SNRNP48: variants seen among roughly 807,000 people sequenced by gnomAD.
SNRNP48 encodes the protein U11/U12 small nuclear ribonucleoprotein 48 kDa protein.
A neutral mutation model predicts 47.0 loss-of-function variants in SNRNP48; 43 were observed. The ratio of observed to expected loss-of-function variants is 0.92; its 90% CI spans 0.72 to 1.18. The LOEUF is 1.18. Among genes scored for constraint, SNRNP48 ranks in the 50% most tolerant of loss-of-function variants. The pLI is 0.00. For synonymous variants in SNRNP48, 138 were observed against 144.0 expected (o/e 0.96, Z 0.30); for missense variants, 396 against 422.2 (o/e 0.94, Z 0.54).
At position 7,590,430 on chromosome 6, in the gene SNRNP48, C is replaced by G. The variant is rs756714177; in HGVS notation, c.156+17C>G. The G allele has an allele frequency of 1.3e-5, 17 of 1,280,986 alleles. No individual in the cohort carries two copies. The African/African-American group carries it at 2.3e-4, about 17-fold the overall frequency. The allele number at this position is 1,280,986 out of a possible 1,614,324, so 79.4% of individuals were successfully genotyped here. ...GCGGCGGAGGTGAGGAGCGCGGCCG[C>G]GGGGCCCTTTCGGGGACTATCGGCC... is the stretch of plus-strand genomic sequence containing the variant. On this transcript the variant is annotated intron_variant, in intron 1 of 8. Coordinates refer to ENST00000342415, the MANE Select transcript of SNRNP48 (RefSeq NM_152551.4).
chr6:7,607,481 A>C (rs1001593628), intron 8 of SNRNP48, among the ~76,000 whole-genome samples: 7 of 152,134 alleles, frequency 4.6e-5, no homozygotes, highest in Admixed American at 1.3e-4. Flanking sequence ...CCTCATCCAC[A>C]CTGTGCCACA....
chr6:7,594,288 T>G, intron 3 of SNRNP48, 129 bp downstream of exon 3: 1 of 442,052 alleles, frequency 2.3e-6, no homozygotes, highest in South Asian at 4.2e-5. Flanking sequence ...TAAGAGAATG[T>G]AGAATTAATT....
chr6:7,597,528 G>A (rs925639111), intron 4 of SNRNP48, among the ~76,000 whole-genome samples: 2 of 152,182 alleles, frequency 1.3e-5, no homozygotes, highest in African/African-American at 4.8e-5. Context: ...TCATAGAGTT[G>A]TTGAGAGGAA....
chr6:7,605,333 A>C (rs1169484970), intron 6 of SNRNP48, 65 bp from the exon 7 acceptor site: 10 of 1,230,088 alleles, frequency 8.1e-6, no homozygotes, highest in Non-Finnish European at 7.2e-6. Context: ...TGATTTTTCT[A>C]GCGTTACAGT....
At chr6:7,598,748 A>C (rs1191004473) in intron 4 of SNRNP48, among the ~76,000 whole-genome samples, 1 of 152,156 alleles carries the variant, frequency 6.6e-6, no homozygotes, top group East Asian at 1.9e-4. Context: ...AAGGTTTTAT[A>C]TGTATGTTTT....
chr6:7,590,703 C>T (rs533367936), intron 1 of SNRNP48, among the ~76,000 whole-genome samples: 1 of 152,354 alleles, frequency 6.6e-6, no homozygotes, highest in Non-Finnish European at 1.5e-5. Context: ...GGGGGCCGGG[C>T]GCGGTGGCGC....
chr6:7,596,933 CT>C (rs1361745372), intron 4 of SNRNP48, among the ~76,000 whole-genome samples: 1 of 152,174 alleles, frequency 6.6e-6, no homozygotes, highest in Non-Finnish European at 1.5e-5. Flanking sequence ...TGAAAGAGAA[CT>C]TGGAGATCAT....
chr6:7,598,945 C>A (rs999637033), intron 4 of SNRNP48, among the ~76,000 whole-genome samples: 1 of 152,068 alleles, frequency 6.6e-6, no homozygotes, highest in Non-Finnish European at 1.5e-5. Flanking sequence ...CTTTTTCTTT[C>A]AATATTAAAT....
rs762229291 is a variant in SNRNP48 at position 7,590,239 on chromosome 6, T to A, written c.-19T>A. 6.2e-6 allele frequency: 8 copies of A among 1,300,004 alleles called. No individual in the cohort carries two copies. The highest frequency in any genetic ancestry group is 1.5e-5 in the African/African-American group (1 of 66,168). 80.5% of individuals were successfully genotyped at this position (1,300,004 alleles called of 1,614,324 possible). A position where few individuals can be genotyped will look rare whatever the true frequency, so the allele number is the denominator to read the frequency against. On this transcript the variant is annotated 5_prime_UTR_variant, in exon 1 of 9. Transcript: ENST00000342415. The stretch of plus-strand genomic sequence containing the variant: ...GGTCTGCAGTTCGGCCGCTTCCTCT[T>A]GGCGGGTGGGCTGCAGCTATGGAGG...
At chr6:7,600,284 G>C in intron 4 of SNRNP48, 3 of 820,202 alleles carry the variant, frequency 3.7e-6, no homozygotes, top group Non-Finnish European at 4.4e-6. Flanking sequence ...TTAGTTCATA[G>C]TATGCTCTTA....
In SNRNP48 at chr6:7,606,968, A is replaced by G. The variant is rs538434281; in HGVS notation, c.971+773A>G. ...AATTTTTCTACTTGTCTCTAAATTTACTGCATATGATTCCATTCCCTTGTA... is the reference window on the plus strand; with the variant it reads ...AATTTTTCTACTTGTCTCTAAATTTGCTGCATATGATTCCATTCCCTTGTA... On this transcript the variant is annotated intron_variant, in intron 8 of 8. Coordinates refer to ENST00000342415, the MANE Select transcript of SNRNP48 (RefSeq NM_152551.4). 2.0e-5 allele frequency among the ~76,000 whole-genome samples: 3 copies of G among 152,366 alleles called. No individual in the cohort carries two copies. In the East Asian group the frequency reaches 5.8e-4, roughly 29 times the overall value.
chr6:7,598,473 C>T (rs775834750), intron 4 of SNRNP48, among the ~76,000 whole-genome samples: 4 of 151,846 alleles, frequency 2.6e-5, no homozygotes, highest in Non-Finnish European at 5.9e-5. Flanking sequence ...CCAGTCTGGA[C>T]GACAGGGTGA....
At chr6:7,594,893 G>A (rs12664272) in intron 3 of SNRNP48, 134 bp from the exon 4 acceptor site, 147,294 of 653,780 alleles carry the variant, frequency 0.23, 19,702 homozygotes, top group East Asian at 0.46. Context: ...TCATAGACAG[G>A]GATGTGGATG....
At position 7,608,887 on chromosome 6, in the gene SNRNP48, A is replaced by G. The variant is rs1222242883; in HGVS notation, c.*14A>G. On this transcript the variant is annotated 3_prime_UTR_variant, in exon 9 of 9. Coordinates refer to ENST00000342415, the MANE Select transcript of SNRNP48 (RefSeq NM_152551.4). ...CAAAAAATATAAATGAAGTACTTGT[A>G]CCTATATTAATTATGCTTACGCCAT... 8.5e-6 allele frequency: 12 copies of G among 1,409,172 alleles called. No individual in the cohort carries two copies. Among genetic ancestry groups the G allele is most frequent in the South Asian group, 1.3e-5 (1 of 76,370 alleles). 87.3% of individuals were successfully genotyped at this position (1,409,172 alleles called of 1,614,324 possible). A position where few individuals can be genotyped will look rare whatever the true frequency, so the allele number is the denominator to read the frequency against.
rs1164541632 is a variant in SNRNP48, at chr6:7,604,157, C to A, written c.718-1241C>A. On this transcript the variant is annotated intron_variant, in intron 6 of 8. Coordinates refer to ENST00000342415, the MANE Select transcript of SNRNP48 (RefSeq NM_152551.4). Reference sequence around the variant, plus strand: ...TCTGTGCAAATAGCAGGCTTCAAGGCGCTTACATAGAGCTGCTGACAGGGA... The same window carrying A: ...TCTGTGCAAATAGCAGGCTTCAAGGAGCTTACATAGAGCTGCTGACAGGGA... Among the ~76,000 whole-genome samples the A allele has an allele frequency of 2.0e-5, 3 of 152,184 alleles. No individual in the cohort carries two copies. In the East Asian group the frequency reaches 5.8e-4, roughly 29 times the overall value.
In SNRNP48 at chr6:7,604,369, A is replaced by G. The variant is rs574896950; in HGVS notation, c.718-1029A>G. Reference sequence around the variant, plus strand: ...ACTAGCATTCTGAAAAGCAGATAGAAGTATAGGAGTTTTTCAGAGACTCAT... The same window carrying G: ...ACTAGCATTCTGAAAAGCAGATAGAGGTATAGGAGTTTTTCAGAGACTCAT... On this transcript the variant is annotated intron_variant, in intron 6 of 8. Transcript: ENST00000342415. Among the ~76,000 whole-genome samples, 4 of 152,322 alleles carry G rather than the reference A, an allele frequency of 2.6e-5. No individual in the cohort carries two copies. The South Asian group carries it at 8.3e-4, about 32-fold the overall frequency.
chr6:7,598,110 G>A (rs1759940249), intron 4 of SNRNP48, among the ~76,000 whole-genome samples: 1 of 151,336 alleles, frequency 6.6e-6, no homozygotes, highest in Admixed American at 6.6e-5. Context: ...CTTGTGATCT[G>A]CCCACCTTGG....
At chr6:7,603,858 C>T (rs1207997795) in intron 6 of SNRNP48, among the ~76,000 whole-genome samples, 3 of 152,226 alleles carry the variant, frequency 2.0e-5, no homozygotes, top group Non-Finnish European at 2.9e-5. Flanking sequence ...TTTCTTCTCT[C>T]GTCTCATAAC....
At chr6:7,603,731 G>C (rs541491206) in intron 6 of SNRNP48, among the ~76,000 whole-genome samples, 1 of 152,154 alleles carries the variant, frequency 6.6e-6, no homozygotes, top group African/African-American at 2.4e-5. Context: ...ATTTTATGCT[G>C]TTCTTTTTAC....
Sources: gnomAD v4.1 joint callset for allele counts (sites outside exome capture counted in the v4.1 genomes callset) on GRCh38, gnomAD v4.1.1 for gene constraint, MANE v1.5 for transcripts, NCBI Gene and HGNC (gene_info 2026-07-23, HGNC 2026-07-21) for gene names.